INPP4A: variants seen among roughly 807,000 people sequenced by gnomAD.
The protein encoded by INPP4A is inositol polyphosphate-4-phosphatase, type I, 107kD.
A neutral mutation model predicts 119.8 loss-of-function variants in INPP4A; 33 were observed. The ratio of observed to expected loss-of-function variants is 0.28; its 90% CI spans 0.21 to 0.37. The LOEUF is 0.37. INPP4A is among the 10% of genes least tolerant of loss of function. The probability of loss-of-function intolerance (pLI) is 1.00; values close to 1 mark genes in which losing one functional copy is unlikely to be tolerated. For missense variants in INPP4A, 956 were observed against 1,289.9 expected, an observed-to-expected ratio of 0.74 and a Z score of 3.97; for synonymous variants, 496 against 500.7, an observed-to-expected ratio of 0.99 and a Z score of 0.12.
intron 14 of INPP4A, among the ~76,000 whole-genome samples, chr2:98,553,199 G>C (rs1204780232): frequency 6.6e-6 from 1 of 152,196 alleles, no homozygotes; most frequent in African/African-American, 2.4e-5. Flanking sequence ...CTTAGGTGCA[G>C]CTTCAGGCAC....
At chr2:98,531,435 A>C (rs1689191936) in intron 4 of INPP4A, among the ~76,000 whole-genome samples, 1 of 152,218 alleles carries the variant, frequency 6.6e-6, no homozygotes, top group Admixed American at 6.5e-5. Context: ...TGTTACATTT[A>C]TTTTGTATCT....
chr2:98,591,036 T>G lies in INPP4A; in HGVS notation c.*3428T>G. 8.9e-6 allele frequency: 2 copies of G among 223,592 alleles called. No individual in the cohort carries two copies. The highest frequency in any genetic ancestry group is 1.8e-5 in the Non-Finnish European group (2 of 112,134). 13.9% of individuals were successfully genotyped at this position (223,592 alleles called of 1,614,324 possible). ...ATACAATGTATTAGCCCCTGTCATA[T>G]GTTGCACACTTTTTAACCTATTTGT... On this transcript the variant is annotated 3_prime_UTR_variant, in exon 25 of 25. Coordinates refer to ENST00000409851, the MANE Select transcript of INPP4A (RefSeq NM_001134225.2).
chr2:98,457,323 C>T (rs113554049), intron 1 of INPP4A, among the ~76,000 whole-genome samples: 4,707 of 152,184 alleles, frequency 0.031, 265 homozygotes, highest in African/African-American at 0.11. Flanking sequence ...CTTGGGAGAC[C>T]GAGGCAGGAG....
chr2:98,545,423 A>G (rs914217050), intron 11 of INPP4A, among the ~76,000 whole-genome samples: 5 of 152,200 alleles, frequency 3.3e-5, no homozygotes, highest in African/African-American at 1.2e-4. Context: ...TTTGTGTGTC[A>G]GAAGGCCGGA....
At chr2:98,529,561 C>T (rs537705589) in intron 4 of INPP4A, among the ~76,000 whole-genome samples, 5 of 151,958 alleles carry the variant, frequency 3.3e-5, no homozygotes, top group Admixed American at 1.3e-4. Flanking sequence ...GGTGAAACCC[C>T]GTCTCTACTA....
chr2:98,519,210 C>T (rs1686711909), intron 2 of INPP4A, 185 bp downstream of exon 2: 1 of 152,254 alleles, frequency 6.6e-6, no homozygotes, highest in South Asian at 2.1e-4. Flanking sequence ...TTTCTAGAGA[C>T]AGCAGGAGTT....
chr2:98,550,530 G>C (rs1693314199), intron 13 of INPP4A, among the ~76,000 whole-genome samples: 1 of 152,190 alleles, frequency 6.6e-6, no homozygotes, highest in South Asian at 2.1e-4. Flanking sequence ...GTAGGTCCGG[G>C]TCTGGGGTGG....
chr2:98,580,249 G>T (rs534760786), intron 24 of INPP4A, among the ~76,000 whole-genome samples: 57 of 152,248 alleles, frequency 3.7e-4, no homozygotes, highest in African/African-American at 1.3e-3. Flanking sequence ...GCATGCAGGT[G>T]GGGGTGGAGG....
intron 10 of INPP4A, among the ~76,000 whole-genome samples, chr2:98,541,307 A>T (rs1691402932): frequency 6.6e-6 from 1 of 151,630 alleles, no homozygotes; most frequent in Admixed American, 6.6e-5. Context: ...AGCCTTGGTG[A>T]CAGAGCGAGA....
intron 10 of INPP4A, 75 bp from the exon 11 acceptor site, chr2:98,543,802 C>T (rs1691975249): frequency 4.5e-6 from 7 of 1,571,834 alleles, no homozygotes; most frequent in Admixed American, 1.8e-5. Context: ...ATGCTGTTGT[C>T]CTGGGTAGAC....
At position 98,522,203 on chromosome 2, in the gene INPP4A, C is replaced by T. The variant is rs753875303; in HGVS notation, c.151+1472C>T. Among the ~76,000 whole-genome samples the T allele has an allele frequency of 6.4e-4, 96 of 150,842 alleles. No individual in the cohort carries two copies. The Middle Eastern group carries it at 0.027, about 43-fold the overall frequency. On this transcript the variant is annotated intron_variant, in intron 4 of 24. Transcript: ENST00000409851. ...TCGGGAGGCTGAAGCAGGGGAATCG[C>T]TTGAAGCCAGGAGGCGGAGGTTGCA...
At chr2:98,484,788 T>C (rs1215816583) in intron 1 of INPP4A, among the ~76,000 whole-genome samples, 1 of 152,214 alleles carries the variant, frequency 6.6e-6, no homozygotes, top group Admixed American at 6.5e-5. Flanking sequence ...ATCTGACTTT[T>C]TCGCTTGTCA....
intron 16 of INPP4A, 120 bp downstream of exon 16, chr2:98,555,928 G>GGTGGAGCGGGGGCGTCCCAGTGC (rs1460798833): frequency 1.6e-6 from 2 of 1,257,632 alleles, no homozygotes; most frequent in African/African-American, 3.0e-5. Flanking sequence ...AGGGCTGCCA[G>GGTGGAGCGGGGGCGTCCCAGTGC]GTGGAGCGGG....
chr2:98,539,735 C>T (rs1180622717), intron 10 of INPP4A, 60 bp downstream of exon 10: 3 of 1,530,826 alleles, frequency 2.0e-6, no homozygotes, highest in Admixed American at 4.0e-5. Context: ...CCCTTCCTTT[C>T]TGAGATATAG....
chr2:98,477,051 G>A lies in INPP4A; in HGVS notation c.-166+31966G>A, dbSNP rs944256127. Among the ~76,000 whole-genome samples, 11 of 152,204 alleles carry A rather than the reference G, an allele frequency of 7.2e-5. 1 individual carries two copies. Among genetic ancestry groups the A allele is most frequent in the African/African-American group, 2.7e-4 (11 of 41,440 alleles). ...AGTAATAGTGGCAAATACTTAAGTA[G>A]CATTTTTGTGCACTGGGCACATTTA... is the stretch of plus-strand genomic sequence containing the variant. On this transcript the variant is annotated intron_variant, in intron 1 of 24. Coordinates refer to ENST00000409851, the MANE Select transcript of INPP4A (RefSeq NM_001134225.2).
intron 1 of INPP4A, among the ~76,000 whole-genome samples, chr2:98,491,672 TC>T (rs1203523481): frequency 6.6e-6 from 1 of 152,118 alleles, no homozygotes; most frequent in Non-Finnish European, 1.5e-5. Context: ...TTCATTTTCG[TC>T]CCCATATCAG....
At chr2:98,504,610 C>T (rs1683701230) in intron 1 of INPP4A, among the ~76,000 whole-genome samples, 1 of 152,180 alleles carries the variant, frequency 6.6e-6, no homozygotes. Context: ...GCATTGTCTT[C>T]CCGGCATTTC....
rs546918563 is a variant in INPP4A at position 98,570,254 on chromosome 2, G to C, written c.2518+1586G>C. Among the ~76,000 whole-genome samples the C allele has an allele frequency of 6.6e-6, 1 of 152,354 alleles. No homozygotes were observed. Among genetic ancestry groups the C allele is most frequent in the Admixed American group, 6.5e-5 (1 of 15,308 alleles). ...GTGGAGCCACAGAGCAGAGCCCTTTGGTGGTTGAGGCCACTGAGTGACAAG... is the reference window on the plus strand; with the variant it reads ...GTGGAGCCACAGAGCAGAGCCCTTTCGTGGTTGAGGCCACTGAGTGACAAG... On this transcript the variant is annotated intron_variant, in intron 22 of 24. Coordinates refer to ENST00000409851, the MANE Select transcript of INPP4A (RefSeq NM_001134225.2). This position sits in a 1 kb window ranked among gnomAD's most constrained non-coding sequence, Gnocchi z 4.3.
rs559384954 is a variant in INPP4A, at chr2:98,527,501, T to A, written c.152-5876T>A. 2.6e-5 allele frequency among the ~76,000 whole-genome samples: 4 copies of A among 152,326 alleles called. No homozygotes were observed. In the South Asian group the frequency reaches 8.3e-4, roughly 32 times the overall value. ...GGAATGAGATATTCACAGGGAGATT[T>A]GAAAAGCTCTTTCATATTCCTGGGA... On this transcript the variant is annotated intron_variant, in intron 4 of 24. Coordinates refer to ENST00000409851, the MANE Select transcript of INPP4A (RefSeq NM_001134225.2).
Sources: gnomAD v4.1 joint callset for allele counts (sites outside exome capture counted in the v4.1 genomes callset) on GRCh38, gnomAD v4.1.1 for gene constraint, Gnocchi (gnomAD v3.1) non-coding constraint, MANE v1.5 for transcripts, NCBI Gene and HGNC (gene_info 2026-07-23, HGNC 2026-07-21) for gene names.